Variants in CIAPIN1 observed in about 807,000 individuals in gnomAD.
CIAPIN1 encodes the protein anamorsin.
In CIAPIN1, 18 loss-of-function variants were observed where a neutral mutation model predicts 34.3. The ratio of observed to expected loss-of-function variants is 0.52; its 90% CI spans 0.36 to 0.78. The LOEUF is 0.78. Ranked by LOEUF, CIAPIN1 falls within the 30% of genes least tolerant of loss-of-function variation. The pLI, the probability that CIAPIN1 is intolerant of heterozygous loss-of-function variation, is 0.00. For synonymous variants in CIAPIN1, 131 were observed against 140.4 expected (o/e 0.93, Z 0.47); for missense variants, 310 against 372.5 (o/e 0.83, Z 1.38).
chr16:57,434,178 T>A lies in CIAPIN1; in HGVS notation c.422A>T (p.Gln141Leu), dbSNP rs769656205. 3.5e-5 allele frequency: 57 copies of A among 1,614,016 alleles called. No homozygotes were observed. Among genetic ancestry groups the A allele is most frequent in the Non-Finnish European group, 4.8e-5 (57 of 1,180,010 alleles). Residue 141 changes from glutamine (Q) to leucine (L), a missense_variant, in exon 5 of 9, where the codon CAG (glutamine) becomes CTG (leucine). Gln to Leu is a moderately radical substitution (Grantham distance 113). Transcript: ENST00000394391. ...QREPLTPEEV[Q>L]SVREHLGHES... is the part of the protein sequence containing the mutation. ...ATGACCAAGGTGTTCTCGAACAGAC[T>A]GTACTTCCTCAGGGGTTAGGGGCTC...
At chr16:57,441,380 G>C (rs1320429364) in intron 1 of CIAPIN1, 1 of 152,702 alleles carries the variant, frequency 6.5e-6, no homozygotes, top group Non-Finnish European at 1.5e-5. Context: ...CCCAACCACA[G>C]ATTCAATGTT....
chr16:57,444,229 C>T (rs1367647041), intron 1 of CIAPIN1, among the ~76,000 whole-genome samples: 1 of 152,186 alleles, frequency 6.6e-6, no homozygotes, highest in Non-Finnish European at 1.5e-5. Flanking sequence ...GGATAAGTTA[C>T]TAGACTCTTT....
At chr16:57,432,672 G>T in intron 5 of CIAPIN1, 112 bp from the exon 6 acceptor site, 3 of 988,732 alleles carry the variant, frequency 3.0e-6, no homozygotes, top group Admixed American at 2.4e-5. Flanking sequence ...GGCCTGGGAG[G>T]CAGAAGATGT....
At chr16:57,441,096 C>A in intron 1 of CIAPIN1, 113 bp from the exon 2 acceptor site, 1 of 608,418 alleles carries the variant, frequency 1.6e-6, no homozygotes, top group Non-Finnish European at 2.8e-6. Context: ...AGAAACTCTA[C>A]TGTATATGCT....
chr16:57,446,794 T>C (rs2030091916), intron 1 of CIAPIN1, among the ~76,000 whole-genome samples: 1 of 152,216 alleles, frequency 6.6e-6, no homozygotes, highest in Admixed American at 6.5e-5. Context: ...TCTGTTCTAG[T>C]AACAAGCATC....
intron 7 of CIAPIN1, 102 bp from the exon 8 acceptor site, chr16:57,430,441 A>G: frequency 2.8e-6 from 3 of 1,068,788 alleles, no homozygotes; most frequent in Non-Finnish European, 4.3e-6. Context: ...TCTTCACACC[A>G]GTGTCATAAC....
intron 5 of CIAPIN1, among the ~76,000 whole-genome samples, chr16:57,432,966 G>C (rs559166634): frequency 1.3e-5 from 2 of 152,152 alleles, no homozygotes; most frequent in Non-Finnish European, 2.9e-5. Context: ...CTTCCTCCTC[G>C]ATACCTTAGT....
At chr16:57,444,514 T>C (rs1332294116) in intron 1 of CIAPIN1, among the ~76,000 whole-genome samples, 5 of 152,330 alleles carry the variant, frequency 3.3e-5, no homozygotes, top group Non-Finnish European at 7.4e-5. Flanking sequence ...TTTTTCATTG[T>C]TAGAATTAGT....
intron 1 of CIAPIN1, among the ~76,000 whole-genome samples, chr16:57,444,229 C>G (rs1367647041): frequency 6.6e-6 from 1 of 152,186 alleles, no homozygotes. Flanking sequence ...GGATAAGTTA[C>G]TAGACTCTTT....
rs1355118947 is a variant in CIAPIN1, at chr16:57,433,024, G to A, written c.557-464C>T. Among the ~76,000 whole-genome samples, 4 of 152,208 alleles carry A rather than the reference G, an allele frequency of 2.6e-5. No individual in the cohort carries two copies. In the South Asian group the frequency reaches 8.3e-4, roughly 32 times the overall value. ...AAATTGTACTTCCTATGTTACTGCAGGTGTTTTGAGGATTAAATGAGAAAT... is the reference window on the plus strand; with the variant it reads ...AAATTGTACTTCCTATGTTACTGCAAGTGTTTTGAGGATTAAATGAGAAAT... On this transcript the variant is annotated intron_variant, in intron 5 of 8. Coordinates refer to ENST00000394391, the MANE Select transcript of CIAPIN1 (RefSeq NM_020313.4).
rs1567568562 is a variant in CIAPIN1, at chr16:57,428,515, C to T, written c.*655G>A. On this transcript the variant is annotated 3_prime_UTR_variant, in exon 9 of 9. Coordinates refer to ENST00000394391, the MANE Select transcript of CIAPIN1 (RefSeq NM_020313.4). ...CCAACATCACACACAAATGCACATCCCCTCTCTTTACAAGACATGCAGAAT... is the reference window on the plus strand; with the variant it reads ...CCAACATCACACACAAATGCACATCTCCTCTCTTTACAAGACATGCAGAAT... 1 of 152,276 alleles carries T rather than the reference C, an allele frequency of 6.6e-6. No homozygotes were observed. Among genetic ancestry groups the T allele is most frequent in the Non-Finnish European group, 1.5e-5 (1 of 68,094 alleles). 9.4% of individuals were successfully genotyped at this position (152,276 alleles called of 1,614,324 possible). A position where few individuals can be genotyped will look rare whatever the true frequency, so the allele number is the denominator to read the frequency against.
At position 57,431,164 on chromosome 16, in the gene CIAPIN1, C is replaced by T; in HGVS notation, c.733G>A (p.Ala245Thr). The T allele has an allele frequency of 6.2e-7, 1 of 1,612,304 alleles. No individual in the cohort carries two copies. Among genetic ancestry groups the T allele is most frequent in the South Asian group, 1.1e-5 (1 of 91,006 alleles). ...ASCGEGKKRKACKNCTCGLAE... is the reference protein window; with the variant it reads ...ASCGEGKKRKTCKNCTCGLAE... Reference sequence around the variant, plus strand: ...CCCAGCACTCACCAGTTCTTACAGGCCTTCCTCTTTTTCCCTTCCCCACAA... The same window carrying T: ...CCCAGCACTCACCAGTTCTTACAGGTCTTCCTCTTTTTCCCTTCCCCACAA... Residue 245 changes from alanine (A) to threonine (T), a missense_variant, in exon 7 of 9, where the codon GCC (alanine) becomes ACC (threonine). Coordinates refer to ENST00000394391, the MANE Select transcript of CIAPIN1 (RefSeq NM_020313.4).
At chr16:57,446,853 G>A (rs1157710206) in intron 1 of CIAPIN1, among the ~76,000 whole-genome samples, 1 of 152,198 alleles carries the variant, frequency 6.6e-6, no homozygotes, top group Non-Finnish European at 1.5e-5. Flanking sequence ...CTGGGGGTTC[G>A]GACAAGTTGC....
In CIAPIN1 at chr16:57,428,847, G is replaced by A. The variant is rs141709574; in HGVS notation, c.*323C>T. On this transcript the variant is annotated 3_prime_UTR_variant, in exon 9 of 9. Transcript: ENST00000394391. Reference sequence around the variant, plus strand: ...CTGTCACAGAGTGTTAATGCTCAACGATGCCTGGGCTCAAGAGCGTTCTGG... The same window carrying A: ...CTGTCACAGAGTGTTAATGCTCAACAATGCCTGGGCTCAAGAGCGTTCTGG... 5.2e-5 allele frequency: 12 copies of A among 229,562 alleles called. No homozygotes were observed. Among genetic ancestry groups the A allele is most frequent in the Non-Finnish European group, 9.4e-5 (11 of 116,548 alleles). 14.2% of individuals were successfully genotyped at this position (229,562 alleles called of 1,614,324 possible).
chr16:57,431,087 G>A lies in CIAPIN1; in HGVS notation c.746+64C>T, dbSNP rs541309623. The stretch of plus-strand genomic sequence containing the variant: ...TATGTTCTAAAAATAGTACAGCACC[G>A]CGATGTCTTCAGCATGAAGCCACTG... On this transcript the variant is annotated intron_variant, in intron 7 of 8. Coordinates refer to ENST00000394391, the MANE Select transcript of CIAPIN1 (RefSeq NM_020313.4). The A allele has an allele frequency of 2.3e-4, 215 of 920,332 alleles. 1 individual carries two copies. Among genetic ancestry groups the A allele is most frequent in the African/African-American group, 2.2e-3 (132 of 61,394 alleles). The allele number at this position is 920,332 out of a possible 1,614,324, so 57.0% of individuals were successfully genotyped here. A position where few individuals can be genotyped will look rare whatever the true frequency, so the allele number is the denominator to read the frequency against.
At chr16:57,443,915 A>C (rs1260873104) in intron 1 of CIAPIN1, among the ~76,000 whole-genome samples, 2 of 152,100 alleles carry the variant, frequency 1.3e-5, no homozygotes, top group African/African-American at 4.8e-5. Flanking sequence ...ATTGCTGGGC[A>C]TTAAGTTATA....
chr16:57,432,905 T>C lies in CIAPIN1; in HGVS notation c.557-345A>G, dbSNP rs538454428. Reference sequence around the variant, plus strand: ...AAACAGGTTTAGACACTTAGGCTGGTTCCACAGGCTGCAAAGCCTGTCTGA... The same window carrying C: ...AAACAGGTTTAGACACTTAGGCTGGCTCCACAGGCTGCAAAGCCTGTCTGA... On this transcript the variant is annotated intron_variant, in intron 5 of 8. Coordinates refer to ENST00000394391, the MANE Select transcript of CIAPIN1 (RefSeq NM_020313.4). 4.4e-4 allele frequency among the ~76,000 whole-genome samples: 67 copies of C among 152,386 alleles called. No individual in the cohort carries two copies. The South Asian group carries it at 0.01, about 24-fold the overall frequency.
In CIAPIN1 at chr16:57,445,911, T is replaced by C. The variant is rs545818121; in HGVS notation, c.-56+1431A>G. On this transcript the variant is annotated intron_variant, in intron 1 of 8. Coordinates refer to ENST00000394391, the MANE Select transcript of CIAPIN1 (RefSeq NM_020313.4). ...CCCAGGCTGGAGTGCAATGGCACAA[T>C]CTTGGCTCACTGCAACCTCCGACTC... 1.8e-3 allele frequency among the ~76,000 whole-genome samples: 245 copies of C among 137,166 alleles called. 1 individual carries two copies. Among genetic ancestry groups the C allele is most frequent in the African/African-American group, 6.3e-3 (239 of 38,236 alleles). 90.0% of individuals were successfully genotyped at this position (137,166 alleles called of 152,430 possible).
chr16:57,433,542 T>TGC (rs1159817047), intron 5 of CIAPIN1: 525 of 180,438 alleles, frequency 2.9e-3, no homozygotes, highest in African/African-American at 0.012. Context: ...TGTGTGTGTG[T>TGC]GCGTGCGCGT....
Sources: gnomAD v4.1 joint callset for allele counts (sites outside exome capture counted in the v4.1 genomes callset) on GRCh38, gnomAD v4.1.1 for gene constraint, MANE v1.5 for transcripts, NCBI Gene and HGNC (gene_info 2026-07-23, HGNC 2026-07-21) for gene names.